BLOC1S4: variants seen among roughly 807,000 people sequenced by gnomAD.
BLOC1S4 encodes the protein biogenesis of lysosomal organelles complex 1 subunit 4.
For synonymous variants in BLOC1S4, 179 were observed against 143.7 expected (o/e 1.25, Z -1.76); for missense variants, 332 against 308.8 (o/e 1.07, Z -0.56).
chr4:6,716,577 C>G lies in BLOC1S4; in HGVS notation c.368C>G (p.Ala123Gly), dbSNP rs751708254. ...AGCGAGGGCGTGCCGCGCATCCACG[C>G]GAAGGCCGCCGAGATGCGGCGCATC... is the stretch of plus-strand genomic sequence containing the variant. ...VVSEGVPRIH[A>G]KAAEMRRIYS... Residue 123 changes from alanine to glycine, a missense_variant, in exon 1 of 1, where the codon GCG becomes GGG. Physicochemically the swap from Ala to Gly is moderately conservative, Grantham distance 60 (BLOSUM62 0). Transcript: ENST00000320776. The G allele has an allele frequency of 2.5e-6, 4 of 1,590,506 alleles. No individual in the cohort carries two copies. In the African/African-American group the frequency reaches 5.4e-5, roughly 21 times the overall value.
In BLOC1S4 at chr4:6,716,646, G is replaced by A. The variant is rs768569690; in HGVS notation, c.437G>A (p.Gly146Glu). Residue 146 changes from glycine to glutamate, a missense_variant, in exon 1 of 1, where the codon GGG becomes GAG. Gly to Glu is a moderately conservative substitution (Grantham distance 98, BLOSUM62 -2). Transcript: ENST00000320776. ...CTGGAGGCCTTCGTGAGGATGGTGG[G>A]GGGCCGCGTGGCCAGGATGGAGGAG... ...DRLEAFVRMV[G>E]GRVARMEEQV... 1 of 1,609,788 alleles carries A rather than the reference G, an allele frequency of 6.2e-7. No individual in the cohort carries two copies. The highest frequency in any genetic ancestry group is 1.1e-5 in the South Asian group (1 of 91,052).
rs113458106 is a variant in BLOC1S4 at position 6,716,191 on chromosome 4, A to G, written c.-19A>G. 10 of 1,231,810 alleles carry G rather than the reference A, an allele frequency of 8.1e-6. No homozygotes were observed. Among genetic ancestry groups the G allele is most frequent in the Non-Finnish European group, 1.0e-5 (10 of 986,540 alleles). The allele number at this position is 1,231,810 out of a possible 1,614,324, so 76.3% of individuals were successfully genotyped here. Reference sequence around the variant, plus strand: ...CGGAGGCCGGAAGCGAGCGCTGCGCAGTCGGGTGGTCGCGGGCCATGGAGG... The same window carrying G: ...CGGAGGCCGGAAGCGAGCGCTGCGCGGTCGGGTGGTCGCGGGCCATGGAGG... On this transcript the variant is annotated 5_prime_UTR_variant, in exon 1 of 1. Coordinates refer to ENST00000320776, the MANE Select transcript of BLOC1S4 (RefSeq NM_018366.3).
In BLOC1S4 at chr4:6,716,251, G is replaced by A. The variant is rs1714892874; in HGVS notation, c.42G>A (p.Gly14=). 1 of 1,234,088 alleles carries A rather than the reference G, an allele frequency of 8.1e-7. No homozygotes were observed. The highest frequency in any genetic ancestry group is 1.0e-6 in the Non-Finnish European group (1 of 988,164). 76.4% of individuals were successfully genotyped at this position (1,234,088 alleles called of 1,614,324 possible). ...CGGATGGCGGAGCGCTGCCGGAGGGGCTCGCGGAAGAGGCCGAGCCGCAGG... is the reference window on the plus strand; with the variant it reads ...CGGATGGCGGAGCGCTGCCGGAGGGACTCGCGGAAGAGGCCGAGCCGCAGG... ...SFSDGGALPE[G]LAEEAEPQGA... Residue 14 remains glycine, a synonymous_variant, in exon 1 of 1, where the codon GGG becomes GGA. Transcript: ENST00000320776.
At position 6,716,930 on chromosome 4, in the gene BLOC1S4, A is replaced by T. The variant is rs1409312868; in HGVS notation, c.*67A>T. 7 of 1,363,226 alleles carry T rather than the reference A, an allele frequency of 5.1e-6. No homozygotes were observed. The African/African-American group carries it at 8.8e-5, about 17-fold the overall frequency. 84.4% of individuals were successfully genotyped at this position (1,363,226 alleles called of 1,614,324 possible). On this transcript the variant is annotated 3_prime_UTR_variant, in exon 1 of 1. Transcript: ENST00000320776. ...TACCTCCAGTATGAAGTGAATTGCA[A>T]ATCCTGCTTATGGACATATATGATG...
In BLOC1S4 at chr4:6,716,254, C is replaced by T. The variant is rs1714893027; in HGVS notation, c.45C>T (p.Leu15=). The change falls in exon 1 of 1, where the codon CTC becomes CTT. Residue 15 remains leucine (L), a synonymous_variant. Transcript: ENST00000320776. Reference sequence around the variant, plus strand: ...ATGGCGGAGCGCTGCCGGAGGGGCTCGCGGAAGAGGCCGAGCCGCAGGGCG... The same window carrying T: ...ATGGCGGAGCGCTGCCGGAGGGGCTTGCGGAAGAGGCCGAGCCGCAGGGCG... ...FSDGGALPEG[L]AEEAEPQGAA... is the part of the protein sequence containing the mutation. The T allele has an allele frequency of 1.6e-6, 2 of 1,233,762 alleles. No individual in the cohort carries two copies. The allele number at this position is 1,233,762 out of a possible 1,614,324, so 76.4% of individuals were successfully genotyped here.
At position 6,716,468 on chromosome 4, in the gene BLOC1S4, G is replaced by C; in HGVS notation, c.259G>C (p.Ala87Pro). 6.5e-7 allele frequency: 1 copy of C among 1,535,604 alleles called. No homozygotes were observed. Among genetic ancestry groups the C allele is most frequent in the Non-Finnish European group, 8.7e-7 (1 of 1,146,306 alleles). Residue 87 changes from alanine to proline, a missense_variant, in exon 1 of 1, where the codon GCG becomes CCG. Transcript: ENST00000320776. ...GARPEVEALD[A>P]SLEDLLTRVD... ...GCGGCCCGAGGTCGAGGCCCTGGAC[G>C]CGAGCCTAGAGGACCTGCTTACCAG...
chr4:6,716,822 G>T lies in BLOC1S4; in HGVS notation c.613G>T (p.Glu205Ter), dbSNP rs993818009. The T allele has an allele frequency of 6.2e-7, 1 of 1,611,930 alleles. No individual in the cohort carries two copies. Among genetic ancestry groups the T allele is most frequent in the Non-Finnish European group, 8.5e-7 (1 of 1,178,238 alleles). Residue 205 changes from glutamate to a stop codon, truncating the protein, a stop_gained, in exon 1 of 1, where the codon GAA becomes TAA. Transcript: ENST00000320776. LOFTEE classifies it high-confidence loss of function. ...GYEAPVLFRT[E>*]DYFPCCSERP... ...CGAAGCCCCCGTCCTGTTTCGGACC[G>T]AAGACTACTTCCCTTGTTGCAGTGA...
Position 6,716,395 on chromosome 4 carries a change from C to G in BLOC1S4, c.186C>G (p.Arg62=), listed in dbSNP as rs1330735703. The change falls in exon 1 of 1, where the codon CGC becomes CGG. Residue 62 remains arginine, a synonymous_variant. Coordinates refer to ENST00000320776, the MANE Select transcript of BLOC1S4 (RefSeq NM_018366.3). The part of the protein sequence containing the change: ...GAPGRDLPLL[R]RAAAGYAACL... ...CGGGCCGCGACCTGCCGCTGCTTCGCCGCGCCGCTGCGGGCTACGCCGCCT... is the reference window on the plus strand; with the variant it reads ...CGGGCCGCGACCTGCCGCTGCTTCGGCGCGCCGCTGCGGGCTACGCCGCCT... 2 of 1,259,244 alleles carry G rather than the reference C, an allele frequency of 1.6e-6. No individual in the cohort carries two copies. Among genetic ancestry groups the G allele is most frequent in the Non-Finnish European group, 2.0e-6 (2 of 1,005,346 alleles). The allele number at this position is 1,259,244 out of a possible 1,614,324, so 78.0% of individuals were successfully genotyped here.
rs1714889848 is a variant in BLOC1S4 at position 6,716,205 on chromosome 4, G to C, written c.-5G>C. 6.5e-6 allele frequency: 8 copies of C among 1,233,074 alleles called. No homozygotes were observed. Among genetic ancestry groups the C allele is most frequent in the Non-Finnish European group, 8.1e-6 (8 of 986,970 alleles). The allele number at this position is 1,233,074 out of a possible 1,614,324, so 76.4% of individuals were successfully genotyped here. ...GAGCGCTGCGCAGTCGGGTGGTCGCGGGCCATGGAGGGTAGCTTTTCGGAT... is the reference window on the plus strand; with the variant it reads ...GAGCGCTGCGCAGTCGGGTGGTCGCCGGCCATGGAGGGTAGCTTTTCGGAT... On this transcript the variant is annotated 5_prime_UTR_variant, in exon 1 of 1. Transcript: ENST00000320776.
In BLOC1S4 at chr4:6,716,741, A is replaced by G; in HGVS notation, c.532A>G (p.Asn178Asp). Residue 178 changes from asparagine to aspartate, a missense_variant, in exon 1 of 1, where the codon AAC becomes GAC. Asn to Asp is a conservative substitution (Grantham distance 23). Transcript: ENST00000320776. ...RAFKKLLHTM[N>D]VPSLFSKSAP... The stretch of plus-strand genomic sequence containing the variant: ...GTTCAAGAAGCTCCTGCACACGATG[A>G]ACGTGCCCTCGCTCTTTAGCAAGTC... 1 of 1,613,826 alleles carries G rather than the reference A, an allele frequency of 6.2e-7. No individual in the cohort carries two copies. Among genetic ancestry groups the G allele is most frequent in the Non-Finnish European group, 8.5e-7 (1 of 1,179,924 alleles).
At position 6,716,950 on chromosome 4, in the gene BLOC1S4, A is replaced by G; in HGVS notation, c.*87A>G. 8.3e-7 allele frequency: 1 copy of G among 1,206,690 alleles called. No individual in the cohort carries two copies. Among genetic ancestry groups the G allele is most frequent in the Non-Finnish European group, 1.1e-6 (1 of 872,322 alleles). 74.7% of individuals were successfully genotyped at this position (1,206,690 alleles called of 1,614,324 possible). On this transcript the variant is annotated 3_prime_UTR_variant, in exon 1 of 1. Coordinates refer to ENST00000320776, the MANE Select transcript of BLOC1S4 (RefSeq NM_018366.3). ...TTGCAAATCCTGCTTATGGACATAT[A>G]TGATGTTGGAGTGTGGGATTTTAAA...
chr4:6,716,287 G>T lies in BLOC1S4; in HGVS notation c.78G>T (p.Trp26Cys). ...AGGCCGAGCCGCAGGGCGCCGCCTG[G>T]AGCGGGGACAGTGGCACTGTTTCCC... is the stretch of plus-strand genomic sequence containing the variant. ...AEEAEPQGAA[W>C]SGDSGTVSQS... The change falls in exon 1 of 1, where the codon TGG (tryptophan) becomes TGT (cysteine). Residue 26 changes from tryptophan (W) to cysteine (C), a missense_variant. By Grantham distance (215) the Trp-to-Cys change is radical. Transcript: ENST00000320776. The T allele has an allele frequency of 1.1e-5, 14 of 1,233,342 alleles. No homozygotes were observed. The highest frequency in any genetic ancestry group is 1.4e-5 in the Non-Finnish European group (14 of 988,436). 76.4% of individuals were successfully genotyped at this position (1,233,342 alleles called of 1,614,324 possible).
In BLOC1S4 at chr4:6,716,519, G is replaced by A. The variant is rs778329717; in HGVS notation, c.310G>A (p.Asp104Asn). The A allele has an allele frequency of 3.2e-6, 5 of 1,544,222 alleles. No individual in the cohort carries two copies. The highest frequency in any genetic ancestry group is 4.9e-5 in the East Asian group (2 of 41,180). Reference sequence around the variant, plus strand: ...AGTGGACGAGTTCGTGGGCATGCTGGACATGCTTCGCGGCGACTCGTCCCA... The same window carrying A: ...AGTGGACGAGTTCGTGGGCATGCTGAACATGCTTCGCGGCGACTCGTCCCA... ...TRVDEFVGML[D>N]MLRGDSSHVV... Residue 104 changes from aspartate to asparagine, a missense_variant, in exon 1 of 1, where the codon GAC (aspartate) becomes AAC (asparagine). Physicochemically the swap from Asp to Asn is conservative, Grantham distance 23. Transcript: ENST00000320776.
chr4:6,717,302 G>A lies in BLOC1S4; in HGVS notation c.*439G>A, dbSNP rs1714938098. ...TTACTAAATGGCGTTACCTTTTCAA[G>A]ATTTATATGTTTGTATAATCATAAG... is the stretch of plus-strand genomic sequence containing the variant. On this transcript the variant is annotated 3_prime_UTR_variant, in exon 1 of 1. Transcript: ENST00000320776. 1.2e-5 allele frequency: 2 copies of A among 168,534 alleles called. No individual in the cohort carries two copies. Among genetic ancestry groups the A allele is most frequent in the South Asian group, 4.0e-4 (2 of 4,962 alleles). 10.4% of individuals were successfully genotyped at this position (168,534 alleles called of 1,614,324 possible).
rs1215909909 is a variant in BLOC1S4, at chr4:6,716,816, C to T, written c.607C>T (p.Arg203Trp). Reference sequence around the variant, plus strand: ...CGGCTACGAAGCCCCCGTCCTGTTTCGGACCGAAGACTACTTCCCTTGTTG... The same window carrying T: ...CGGCTACGAAGCCCCCGTCCTGTTTTGGACCGAAGACTACTTCCCTTGTTG... The part of the protein sequence containing the change: ...QAGYEAPVLF[R>W]TEDYFPCCSE... The change falls in exon 1 of 1, where the codon CGG becomes TGG. Residue 203 changes from arginine to tryptophan, a missense_variant. Coordinates refer to ENST00000320776, the MANE Select transcript of BLOC1S4 (RefSeq NM_018366.3). The T allele has an allele frequency of 3.7e-6, 6 of 1,612,766 alleles. No individual in the cohort carries two copies. Among genetic ancestry groups the T allele is most frequent in the East Asian group, 2.2e-5 (1 of 44,868 alleles).
In BLOC1S4 at chr4:6,716,931, A is replaced by G; in HGVS notation, c.*68A>G. On this transcript the variant is annotated 3_prime_UTR_variant, in exon 1 of 1. Transcript: ENST00000320776. ...ACCTCCAGTATGAAGTGAATTGCAA[A>G]TCCTGCTTATGGACATATATGATGT... The G allele has an allele frequency of 7.4e-7, 1 of 1,342,394 alleles. No individual in the cohort carries two copies. The highest frequency in any genetic ancestry group is 1.5e-5 in the African/African-American group (1 of 68,054). The allele number at this position is 1,342,394 out of a possible 1,614,324, so 83.2% of individuals were successfully genotyped here.
rs1395903780 is a variant in BLOC1S4 at position 6,716,726 on chromosome 4, C to G, written c.517C>G (p.Leu173Val). Residue 173 changes from leucine (L) to valine (V), a missense_variant, in exon 1 of 1, where the codon CTC becomes GTC. Leu to Val is a conservative substitution (Grantham distance 32, BLOSUM62 1). Transcript: ENST00000320776. ...LGTFPRAFKK[L>V]LHTMNVPSLF... The stretch of plus-strand genomic sequence containing the variant: ...CACCTTCCCCAGGGCGTTCAAGAAG[C>G]TCCTGCACACGATGAACGTGCCCTC... 1 of 1,613,594 alleles carries G rather than the reference C, an allele frequency of 6.2e-7. No individual in the cohort carries two copies. Among genetic ancestry groups the G allele is most frequent in the East Asian group, 2.2e-5 (1 of 44,882 alleles).
At position 6,716,458 on chromosome 4, in the gene BLOC1S4, G is replaced by A. The variant is rs758586167; in HGVS notation, c.249G>A (p.Glu83=). 1 of 1,534,764 alleles carries A rather than the reference G, an allele frequency of 6.5e-7. No homozygotes were observed. Among genetic ancestry groups the A allele is most frequent in the South Asian group, 1.2e-5 (1 of 84,004 alleles). The change falls in exon 1 of 1, where the codon GAG becomes GAA. Residue 83 remains glutamate (E), a synonymous_variant. Coordinates refer to ENST00000320776, the MANE Select transcript of BLOC1S4 (RefSeq NM_018366.3). ...GGGCCGGGGCGCGGCCCGAGGTCGA[G>A]GCCCTGGACGCGAGCCTAGAGGACC... ...LPGAGARPEV[E]ALDASLEDLL...
Position 6,716,671 on chromosome 4 carries a change from G to C in BLOC1S4, c.462G>C (p.Glu154Asp). 5.0e-6 allele frequency: 8 copies of C among 1,611,454 alleles called. No individual in the cohort carries two copies. The highest frequency in any genetic ancestry group is 6.8e-6 in the Non-Finnish European group (8 of 1,179,826). ...MVGGRVARME[E>D]QVTKAEAELG... ...GGGGCCGCGTGGCCAGGATGGAGGAGCAGGTCACCAAGGCCGAGGCCGAGC... is the reference window on the plus strand; with the variant it reads ...GGGGCCGCGTGGCCAGGATGGAGGACCAGGTCACCAAGGCCGAGGCCGAGC... The change falls in exon 1 of 1, where the codon GAG (glutamate) becomes GAC (aspartate). Residue 154 changes from glutamate (E) to aspartate (D), a missense_variant. Physicochemically the swap from Glu to Asp is conservative, Grantham distance 45. Coordinates refer to ENST00000320776, the MANE Select transcript of BLOC1S4 (RefSeq NM_018366.3).
Sources: gnomAD v4.1 joint callset for allele counts on GRCh38, gnomAD v4.1.1 for gene constraint, MANE v1.5 for transcripts, NCBI Gene and HGNC (gene_info 2026-07-23, HGNC 2026-07-21) for gene names.